The following SUPT3H variants were observed in gnomAD, a reference collection of about 807,000 sequenced individuals.
The protein encoded by SUPT3H is SPT3 homolog, SAGA and STAGA complex component.
SUPT3H carries 44 observed loss-of-function variants against 44.3 expected under a neutral mutation model. That is an observed-to-expected ratio of 0.99 (90% confidence interval 0.78 to 1.28). The LOEUF is 1.28. SUPT3H is among the 50% of genes most tolerant of loss of function. SUPT3H has a pLI of 0.00. For synonymous variants in SUPT3H, 124 were observed against 125.6 expected, an observed-to-expected ratio of 0.99 and a Z score of 0.09; for missense variants, 380 against 387.1, an observed-to-expected ratio of 0.98 and a Z score of 0.15.
intron 2 of SUPT3H, among the ~76,000 whole-genome samples, chr6:45,233,000 G>T (rs900409302): frequency 1.1e-4 from 16 of 152,174 alleles, no homozygotes; most frequent in Admixed American, 1.0e-3. Flanking sequence ...CTTACGGGGG[G>T]AAGAGATCAT....
intron 6 of SUPT3H, among the ~76,000 whole-genome samples, chr6:44,969,772 T>C (rs1276019577): frequency 6.6e-6 from 1 of 152,234 alleles, no homozygotes; most frequent in Non-Finnish European, 1.5e-5. Flanking sequence ...GTATATTTTC[T>C]ATATCACAGC....
At chr6:45,140,015 C>T (rs913292623) in intron 2 of SUPT3H, among the ~76,000 whole-genome samples, 15 of 152,246 alleles carry the variant, frequency 9.9e-5, no homozygotes, top group Non-Finnish European at 1.8e-4. Flanking sequence ...CAGACTGGGG[C>T]AAGGTCTGAG....
At chr6:45,362,033 A>G (rs1794350083) in intron 2 of SUPT3H, among the ~76,000 whole-genome samples, 1 of 152,188 alleles carries the variant, frequency 6.6e-6, no homozygotes, top group Non-Finnish European at 1.5e-5. Context: ...CGCCTGGGCA[A>G]CAAAGCTAGA....
intron 10 of SUPT3H, among the ~76,000 whole-genome samples, chr6:44,902,779 A>G (rs780131337): frequency 1.3e-5 from 2 of 152,196 alleles, no homozygotes; most frequent in African/African-American, 2.4e-5. Context: ...CATAGTTGGA[A>G]GCAAAACACT....
intron 11 of SUPT3H, among the ~76,000 whole-genome samples, chr6:44,820,984 G>A (rs1288661005): frequency 6.6e-6 from 1 of 152,088 alleles, no homozygotes; most frequent in African/African-American, 2.4e-5. Flanking sequence ...CCCATTAGCT[G>A]GGACTACAGG....
chr6:44,880,299 G>A (rs143524378), intron 10 of SUPT3H, among the ~76,000 whole-genome samples: 2 of 151,900 alleles, frequency 1.3e-5, no homozygotes, highest in Admixed American at 6.6e-5. Flanking sequence ...ATCAGTAGCC[G>A]AATCGATCAA....
At chr6:44,925,146 A>T (rs898924614) in intron 10 of SUPT3H, among the ~76,000 whole-genome samples, 3 of 152,162 alleles carry the variant, frequency 2.0e-5, no homozygotes, top group Non-Finnish European at 4.4e-5. Context: ...TGATATGAAA[A>T]CATCTCTAGT....
At chr6:44,975,750 C>T (rs1360247670) in intron 6 of SUPT3H, among the ~76,000 whole-genome samples, 1 of 151,986 alleles carries the variant, frequency 6.6e-6, no homozygotes, top group African/African-American at 2.4e-5. Flanking sequence ...TGTCAATATA[C>T]TTGGAAAGAG....
chr6:45,137,056 T>C (rs576108564), intron 2 of SUPT3H, among the ~76,000 whole-genome samples: 1 of 152,236 alleles, frequency 6.6e-6, no homozygotes, highest in East Asian at 1.9e-4. Context: ...TAACAGCTGA[T>C]TTCTCATTTT....
At chr6:45,081,381 T>G (rs184324515) in intron 3 of SUPT3H, among the ~76,000 whole-genome samples, 6 of 152,248 alleles carry the variant, frequency 3.9e-5, no homozygotes, top group Non-Finnish European at 8.8e-5. Flanking sequence ...TATCATCTTC[T>G]CTGAGGTAAT....
intron 10 of SUPT3H, among the ~76,000 whole-genome samples, chr6:44,925,939 T>G (rs1419608318): frequency 6.6e-6 from 1 of 152,204 alleles, no homozygotes; most frequent in Non-Finnish European, 1.5e-5. Flanking sequence ...ACAATTCATT[T>G]AAACCTTTGT....
chr6:44,906,514 A>C (rs1406882768), intron 10 of SUPT3H, among the ~76,000 whole-genome samples: 1 of 152,228 alleles, frequency 6.6e-6, no homozygotes, highest in African/African-American at 2.4e-5. Context: ...CTGTAATCGC[A>C]GCGCTTTGGG....
At chr6:44,826,677 A>C (rs1290909171), downstream of SUPT3H, among the ~76,000 whole-genome samples, 3 of 152,212 alleles carry the variant, frequency 2.0e-5, no homozygotes, top group Non-Finnish European at 2.9e-5. Flanking sequence ...ACTACGTAAA[A>C]AAATTCATAA....
intron 2 of SUPT3H, among the ~76,000 whole-genome samples, chr6:45,340,529 G>T (rs1048974390): frequency 1.3e-5 from 2 of 151,980 alleles, no homozygotes; most frequent in African/African-American, 4.8e-5. Context: ...TTGCCATGTT[G>T]CCCAGGCTGG....
chr6:44,932,776 A>G lies in SUPT3H; in HGVS notation c.802-13T>C. The G allele has an allele frequency of 6.4e-7, 1 of 1,561,910 alleles. No individual in the cohort carries two copies. The highest frequency in any genetic ancestry group is 1.4e-5 in the African/African-American group (1 of 72,674). On this transcript the variant is annotated splice_polypyrimidine_tract_variant and intron_variant, in intron 9 of 10. Transcript: ENST00000371459. ...AGGCTGCAGTGCTCTGCGACAGAAA[A>G]ACACATAAATTGTTACTAAATCAAA...
chr6:45,189,937 T>A (rs988271249), intron 2 of SUPT3H, among the ~76,000 whole-genome samples: 13 of 152,162 alleles, frequency 8.5e-5, no homozygotes, highest in Non-Finnish European at 1.6e-4. Flanking sequence ...CAGCAAAATT[T>A]AAACTTTTTA....
chr6:45,196,290 T>C (rs2153622073), intron 2 of SUPT3H, among the ~76,000 whole-genome samples: 1 of 152,182 alleles, frequency 6.6e-6, no homozygotes, highest in South Asian at 2.1e-4. Flanking sequence ...GTTTCCAATT[T>C]CTAAAACCAC....
At chr6:44,929,273 A>G (rs970338766) in intron 10 of SUPT3H, among the ~76,000 whole-genome samples, 2 of 152,194 alleles carry the variant, frequency 1.3e-5, no homozygotes, top group Non-Finnish European at 2.9e-5. Context: ...CAGAAGTCAT[A>G]AAGTAGACAG....
At chr6:44,979,986 G>T (rs1461776964) in intron 6 of SUPT3H, among the ~76,000 whole-genome samples, 1 of 152,150 alleles carries the variant, frequency 6.6e-6, no homozygotes, top group Non-Finnish European at 1.5e-5. Context: ...TATTAGTTAA[G>T]ATTATTTCTG....
Sources: allele counts gnomAD v4.1 joint callset (sites outside exome capture counted in the v4.1 genomes callset), GRCh38; gene constraint gnomAD v4.1.1; transcripts MANE v1.5; gene names NCBI Gene and HGNC (gene_info 2026-07-23, HGNC 2026-07-21).